GSAP: variants seen among roughly 807,000 people sequenced by gnomAD.
GSAP encodes the protein gamma-secretase-activating protein.
Under a neutral mutation model 131.7 loss-of-function variants are expected in GSAP, and 118 were observed. That is an observed-to-expected ratio of 0.90 (90% CI 0.77 to 1.04). The LOEUF (loss-of-function observed/expected upper bound fraction) is 1.04. GSAP is among the 50% of genes least tolerant of loss of function. The pLI is 0.00. For synonymous variants in GSAP, 381 were observed against 363.4 expected, an observed-to-expected ratio of 1.05 and a Z score of -0.55; for missense variants, 1,019 against 1,013.2, an observed-to-expected ratio of 1.01 and a Z score of -0.08.
In GSAP at chr7:77,313,935, GA is replaced by G. The variant is rs56317667; in HGVS notation, c.2210-387del. On this transcript the variant is annotated intron_variant, in intron 27 of 30. Coordinates refer to ENST00000257626, the MANE Select transcript of GSAP (RefSeq NM_017439.4). ...CCTTGCATTTCTAGTCTAACTTTGA[GA>G]TGACAGAGTTAATCAGCTGAAAATA... Among the ~76,000 whole-genome samples, 560 of 152,296 alleles carry G rather than the reference GA, an allele frequency of 3.7e-3. 3 individuals carry two copies. Among genetic ancestry groups the G allele is most frequent in the Middle Eastern group, 0.017 (5 of 294 alleles).
chr7:77,335,638 CAA>C (rs35007749), intron 19 of GSAP, among the ~76,000 whole-genome samples: 2 of 146,544 alleles, frequency 1.4e-5, no homozygotes, highest in Non-Finnish European at 3.0e-5. Context: ...CAAAAACAAA[CAA>C]AAAAAAAAGC....
Position 77,370,328 on chromosome 7 carries a change from A to G in GSAP, c.871+3742T>C, listed in dbSNP as rs539355238. Among the ~76,000 whole-genome samples, 11 of 152,190 alleles carry G rather than the reference A, an allele frequency of 7.2e-5. No individual in the cohort carries two copies. In the East Asian group the frequency reaches 2.1e-3, roughly 29 times the overall value. On this transcript the variant is annotated intron_variant, in intron 12 of 30. Coordinates refer to ENST00000257626, the MANE Select transcript of GSAP (RefSeq NM_017439.4). ...CAAAAAAAATTAGCCAGGCATGGTGATGTGTGCCTGTAATCCCAGCTACTC... is the reference window on the plus strand; with the variant it reads ...CAAAAAAAATTAGCCAGGCATGGTGGTGTGTGCCTGTAATCCCAGCTACTC...
At chr7:77,351,495 C>A (rs557589069) in intron 18 of GSAP, 1 of 981,804 alleles carries the variant, frequency 1.0e-6, no homozygotes, top group Non-Finnish European at 1.2e-6. Context: ...TAAGCATAGA[C>A]TGATAGATTT....
chr7:77,378,143 G>C (rs1797239098), intron 8 of GSAP, among the ~76,000 whole-genome samples: 1 of 152,178 alleles, frequency 6.6e-6, no homozygotes, highest in Admixed American at 6.5e-5. Context: ...CCAATGCATT[G>C]ACTGTTTCTA....
At chr7:77,387,148 T>C (rs948150869) in intron 6 of GSAP, among the ~76,000 whole-genome samples, 6 of 152,214 alleles carry the variant, frequency 3.9e-5, no homozygotes, top group African/African-American at 1.4e-4. Context: ...AAATATTACA[T>C]TACTAAGAAA....
At chr7:77,358,931 A>G (rs1294277751) in intron 14 of GSAP, among the ~76,000 whole-genome samples, 1 of 152,252 alleles carries the variant, frequency 6.6e-6, no homozygotes, top group African/African-American at 2.4e-5. Flanking sequence ...TCACGCCTGT[A>G]ATCCCAGCAC....
chr7:77,381,447 G>T, intron 7 of GSAP, 93 bp from the exon 8 acceptor site: 2 of 592,302 alleles, frequency 3.4e-6, no homozygotes, highest in Non-Finnish European at 5.8e-6. Context: ...TGTTATAAAA[G>T]CAATGCAGAT....
chr7:77,372,993 G>A (rs1439304911), intron 12 of GSAP, among the ~76,000 whole-genome samples: 3 of 152,122 alleles, frequency 2.0e-5, no homozygotes, highest in African/African-American at 7.2e-5. Flanking sequence ...GGGATGGACA[G>A]GAAAAAGAGG....
chr7:77,330,813 C>T (rs952564314), intron 19 of GSAP: 13 of 984,360 alleles, frequency 1.3e-5, no homozygotes, highest in African/African-American at 1.8e-5. Context: ...TACTTTCCTG[C>T]TAAATTTATT....
rs577641723 is a variant in GSAP at position 77,415,983 on chromosome 7, C to T, written c.109+230G>A. 12 of 403,358 alleles carry T rather than the reference C, an allele frequency of 3.0e-5. No homozygotes were observed. The East Asian group carries it at 4.5e-4, about 15-fold the overall frequency. The allele number at this position is 403,358 out of a possible 1,614,324, so 25.0% of individuals were successfully genotyped here. On this transcript the variant is annotated intron_variant, in intron 1 of 30. Transcript: ENST00000257626. The stretch of plus-strand genomic sequence containing the variant: ...TTCCGCGGGCCGGCAGCGAGCCAGG[C>T]GCCTCAGGCCCCACGGCGACCTGGC...
intron 1 of GSAP, among the ~76,000 whole-genome samples, chr7:77,408,033 T>C (rs1802603140): frequency 6.6e-6 from 1 of 152,226 alleles, no homozygotes; most frequent in Non-Finnish European, 1.5e-5. Flanking sequence ...TTTTCAATAA[T>C]GGGCACAACT....
At chr7:77,396,099 G>A (rs1800333756) in intron 5 of GSAP, among the ~76,000 whole-genome samples, 1 of 152,198 alleles carries the variant, frequency 6.6e-6, no homozygotes, top group Non-Finnish European at 1.5e-5. Flanking sequence ...CACTGGACTT[G>A]CTAGTGACAA....
chr7:77,362,528 C>A, intron 13 of GSAP, 55 bp downstream of exon 13: 1 of 928,296 alleles, frequency 1.1e-6, no homozygotes, highest in Non-Finnish European at 1.8e-6. Context: ...ATCTAATTTG[C>A]TACTATTTGG....
intron 28 of GSAP, among the ~76,000 whole-genome samples, chr7:77,312,851 G>C (rs1036390511): frequency 2.0e-5 from 3 of 152,194 alleles, no homozygotes; most frequent in African/African-American, 7.2e-5. Flanking sequence ...AGGCTCTCCA[G>C]GTCAGGAAGT....
chr7:77,414,844 CTTTTTTTTTTTT>C (rs57095326), intron 1 of GSAP, among the ~76,000 whole-genome samples: 73 of 59,874 alleles, frequency 1.2e-3, no homozygotes, highest in Middle Eastern at 0.012. Flanking sequence ...ATGTGGGCGA[CTTTTTTTTTTTT>C]TTTTTTTTTT....
chr7:77,411,945 G>A (rs1162955457), intron 1 of GSAP, among the ~76,000 whole-genome samples: 3 of 152,176 alleles, frequency 2.0e-5, no homozygotes, highest in African/African-American at 4.8e-5. Flanking sequence ...TTGGGAGGCC[G>A]AGGTAGGCCG....
chr7:77,398,039 T>A (rs1217660519), intron 3 of GSAP, among the ~76,000 whole-genome samples: 4 of 152,102 alleles, frequency 2.6e-5, no homozygotes, highest in Non-Finnish European at 5.9e-5. Flanking sequence ...TCCATTTTCT[T>A]GAATATTAAA....
Position 77,377,400 on chromosome 7 carries a change from C to CAAAAAAAAAAAAAAAAAAAAAAAAAAA in GSAP, c.577-11_577-10insTTTTTTTTTTTTTTTTTTTTTTTTTTT. ...CAGAATTTTTAATCACCTAAAAATG[C>CAAAAAAAAAAAAAAAAAAAAAAAAAAA]AAAAAAAAAAAAAAAAAAAAAAGTA... On this transcript the variant is annotated splice_polypyrimidine_tract_variant and intron_variant, in intron 8 of 30. Coordinates refer to ENST00000257626, the MANE Select transcript of GSAP (RefSeq NM_017439.4). 8.5e-7 allele frequency: 1 copy of CAAAAAAAAAAAAAAAAAAAAAAAAAAA among 1,182,870 alleles called. No individual in the cohort carries two copies. Among genetic ancestry groups the CAAAAAAAAAAAAAAAAAAAAAAAAAAA allele is most frequent in the Non-Finnish European group, 1.1e-6 (1 of 931,570 alleles). The allele number at this position is 1,182,870 out of a possible 1,614,324, so 73.3% of individuals were successfully genotyped here. A position where few individuals can be genotyped will look rare whatever the true frequency, so the allele number is the denominator to read the frequency against.
Position 77,351,495 on chromosome 7 carries a change from C to G in GSAP, c.1491+1449G>C, listed in dbSNP as rs557589069. 2.6e-5 allele frequency: 26 copies of G among 981,686 alleles called. No individual in the cohort carries two copies. The African/African-American group carries it at 4.4e-4, about 17-fold the overall frequency. 60.8% of individuals were successfully genotyped at this position (981,686 alleles called of 1,614,324 possible). ...CATCACAGCTAATGATAAGCATAGA[C>G]TGATAGATTTTCAAGATTAGAAGAG... On this transcript the variant is annotated intron_variant, in intron 18 of 30. Coordinates refer to ENST00000257626, the MANE Select transcript of GSAP (RefSeq NM_017439.4).
Sources: gnomAD v4.1 joint callset for allele counts (sites outside exome capture counted in the v4.1 genomes callset) on GRCh38, gnomAD v4.1.1 for gene constraint, MANE v1.5 for transcripts, NCBI Gene and HGNC (gene_info 2026-07-23, HGNC 2026-07-21) for gene names.